Variants in AP1M1 observed in about 807,000 individuals in gnomAD.
AP1M1 encodes adaptor related protein complex 1 subunit mu 1, also known as AP-1 complex subunit mu-1.
A neutral mutation model predicts 57.1 loss-of-function variants in AP1M1; 18 were observed. The observed-to-expected ratio is 0.32, with a 90% confidence interval of 0.22 to 0.47. The LOEUF (loss-of-function observed/expected upper bound fraction) is 0.47, where lower values mean the gene tolerates loss of function less well. Among genes scored for constraint, AP1M1 ranks in the 20% least tolerant of loss-of-function variants. AP1M1 has a pLI of 1.00. For synonymous variants in AP1M1, 241 were observed against 237.9 expected (o/e 1.01, Z -0.12); for missense variants, 362 against 593.5 (o/e 0.61, Z 4.05).
chr19:16,217,482 G>A (rs1266139477), intron 5 of AP1M1, among the ~76,000 whole-genome samples: 1 of 152,146 alleles, frequency 6.6e-6, no homozygotes, highest in Admixed American at 6.5e-5. Context: ...GGCTGCAGTG[G>A]GAGCGGGGCT....
In AP1M1 at chr19:16,203,312, C is replaced by A; in HGVS notation, c.43-147C>A. On this transcript the variant is annotated intron_variant, in intron 1 of 11. Coordinates refer to ENST00000291439, the MANE Select transcript of AP1M1 (RefSeq NM_032493.4). This position sits in a 1 kb window ranked among gnomAD's most constrained non-coding sequence, Gnocchi z 4.6. The stretch of plus-strand genomic sequence containing the variant: ...ATTCCCTGGGGGATGGAGATCAGAA[C>A]GGCCTCAAGTCCTGCTCTTTTGCGG... 2.7e-6 allele frequency: 2 copies of A among 742,284 alleles called. No individual in the cohort carries two copies. Among genetic ancestry groups the A allele is most frequent in the Non-Finnish European group, 4.5e-6 (2 of 447,550 alleles). 46.0% of individuals were successfully genotyped at this position (742,284 alleles called of 1,614,324 possible). A position where few individuals can be genotyped will look rare whatever the true frequency, so the allele number is the denominator to read the frequency against.
chr19:16,226,323 G>A (rs566944290), intron 5 of AP1M1, 98 bp from the exon 6 acceptor site: 15 of 1,439,880 alleles, frequency 1.0e-5, no homozygotes, highest in Middle Eastern at 2.4e-4. Context: ...GGTGAGAAGG[G>A]CGTTGAGAGT....
chr19:16,229,474 GCA>G (rs1372426440), intron 9 of AP1M1, among the ~76,000 whole-genome samples: 1 of 152,220 alleles, frequency 6.6e-6, no homozygotes, highest in Non-Finnish European at 1.5e-5. Flanking sequence ...TGTACACAGT[GCA>G]CAGAGAGGCT....
In AP1M1 at chr19:16,207,933, T is replaced by C; in HGVS notation, c.268-86T>C. 6.7e-7 allele frequency: 1 copy of C among 1,497,282 alleles called. No homozygotes were observed. Among genetic ancestry groups the C allele is most frequent in the Non-Finnish European group, 9.0e-7 (1 of 1,106,120 alleles). The allele number at this position is 1,497,282 out of a possible 1,614,324, so 92.7% of individuals were successfully genotyped here. ...CTGTTGGTAGGACTTAGCGGGCAAA[T>C]GAATGTGTGCAAGCGTTCATTCATT... On this transcript the variant is annotated intron_variant, in intron 3 of 11. Transcript: ENST00000291439. This position sits in a 1 kb window ranked among gnomAD's most constrained non-coding sequence, Gnocchi z 4.2.
intron 5 of AP1M1, among the ~76,000 whole-genome samples, chr19:16,222,411 T>A (rs4808474): frequency 3.3e-5 from 5 of 151,138 alleles, no homozygotes; most frequent in East Asian, 2.0e-4. Flanking sequence ...TGAGGGTCTC[T>A]CTGTGTTGCC....
rs976249085 is a variant in AP1M1, at chr19:16,239,490, T to C, written c.*5055T>C. The C allele has an allele frequency of 1.1e-4, 16 of 151,496 alleles. No homozygotes were observed. Among genetic ancestry groups the C allele is most frequent in the Non-Finnish European group, 5.9e-5 (4 of 67,912 alleles). The allele number at this position is 151,496 out of a possible 1,614,324, so 9.4% of individuals were successfully genotyped here. A position where few individuals can be genotyped will look rare whatever the true frequency, so the allele number is the denominator to read the frequency against. On this transcript the variant is annotated 3_prime_UTR_variant, in exon 12 of 12. Coordinates refer to ENST00000291439, the MANE Select transcript of AP1M1 (RefSeq NM_032493.4). ...AGATTAAAAATGTAGTCATAGGAAT[T>C]AACAACTTGGGGCCGGGCATGGTGG... is the stretch of plus-strand genomic sequence containing the variant.
chr19:16,226,353 A>G, intron 5 of AP1M1, 68 bp from the exon 6 acceptor site: 1 of 1,492,164 alleles, frequency 6.7e-7, no homozygotes, highest in Non-Finnish European at 9.0e-7. Flanking sequence ...AGAGGGTCAC[A>G]TGATGTGGTA....
chr19:16,208,902 A>G, intron 4 of AP1M1, 128 bp from the exon 5 acceptor site: 1 of 1,122,922 alleles, frequency 8.9e-7, no homozygotes, highest in Non-Finnish European at 1.2e-6. Flanking sequence ...CTGAAATCCA[A>G]GGGCTATTTT....
chr19:16,207,721 C>T lies in AP1M1; in HGVS notation c.268-298C>T, dbSNP rs1428053872. On this transcript the variant is annotated intron_variant, in intron 3 of 11. Transcript: ENST00000291439. The surrounding 1 kb of genome is among the most constrained non-coding windows in gnomAD (Gnocchi z 4.2). ...CTCAGAAAGGGATGACAGTTACAGT[C>T]GCTCAGGAGGGGCTGCCTGTCTGCG... Among the ~76,000 whole-genome samples the T allele has an allele frequency of 6.6e-6, 1 of 152,116 alleles. No homozygotes were observed. The highest frequency in any genetic ancestry group is 2.4e-5 in the African/African-American group (1 of 41,394).
chr19:16,234,561 G>C lies in AP1M1; in HGVS notation c.*126G>C, dbSNP rs2091616030. On this transcript the variant is annotated 3_prime_UTR_variant, in exon 12 of 12. Coordinates refer to ENST00000291439, the MANE Select transcript of AP1M1 (RefSeq NM_032493.4). ...TGGCCACCCTCCCAGCCTCTGCCCA[G>C]GGACCCCTGCCTTCCCCAGGCCATC... is the stretch of plus-strand genomic sequence containing the variant. The C allele has an allele frequency of 2.4e-6, 3 of 1,270,006 alleles. No individual in the cohort carries two copies. Among genetic ancestry groups the C allele is most frequent in the Non-Finnish European group, 3.3e-6 (3 of 900,012 alleles). The allele number at this position is 1,270,006 out of a possible 1,614,324, so 78.7% of individuals were successfully genotyped here.
chr19:16,228,081 ATGGGC>A lies in AP1M1; in HGVS notation c.817-55_817-51del. ...CCTGGGCCTTGGTTTCCCCTCTGAA[ATGGGC>A]CTTTGTCAAACAAGGCCAGGTGTGA... On this transcript the variant is annotated intron_variant, in intron 7 of 11. Transcript: ENST00000291439. The surrounding 1 kb of genome is among the most constrained non-coding windows in gnomAD (Gnocchi z 5.0). The A allele has an allele frequency of 6.4e-7, 1 of 1,563,988 alleles. No homozygotes were observed. Among genetic ancestry groups the A allele is most frequent in the Non-Finnish European group, 8.8e-7 (1 of 1,138,264 alleles).
chr19:16,198,210 G>A (rs2091432442), intron 1 of AP1M1, 142 bp downstream of exon 1: 2 of 794,010 alleles, frequency 2.5e-6, no homozygotes, highest in Non-Finnish European at 3.8e-6. Context: ...TCACCTGAGA[G>A]CCCCATCCTG....
intron 9 of AP1M1, 61 bp from the exon 10 acceptor site, chr19:16,233,432 G>A: frequency 6.7e-7 from 1 of 1,498,226 alleles, no homozygotes; most frequent in Non-Finnish European, 8.9e-7. Flanking sequence ...ACTAGGGCCA[G>A]AGCTGTTGGC....
At position 16,227,030 on chromosome 19, in the gene AP1M1, G is replaced by A. The variant is rs978829447; in HGVS notation, c.673+483G>A. 1.3e-5 allele frequency among the ~76,000 whole-genome samples: 2 copies of A among 152,162 alleles called. No individual in the cohort carries two copies. The highest frequency in any genetic ancestry group is 4.8e-5 in the African/African-American group (2 of 41,454). On this transcript the variant is annotated intron_variant, in intron 6 of 11. Coordinates refer to ENST00000291439, the MANE Select transcript of AP1M1 (RefSeq NM_032493.4). This position sits in a 1 kb window ranked among gnomAD's most constrained non-coding sequence, Gnocchi z 6.2. The stretch of plus-strand genomic sequence containing the variant: ...TGTGCCTCCCACTCAGCTGTCACAG[G>A]CCACTGGAAGAGGGTGCAGTGGCTG...
At position 16,209,087 on chromosome 19, in the gene AP1M1, C is replaced by T. The variant is rs199860370; in HGVS notation, c.456C>T (p.Thr152=). ...CAGGGGCCCCGCGGCCACCAGCCAC[C>T]GTCACCAACGCGGTGTCCTGGCGGT... ...LETGAPRPPA[T]VTNAVSWRSE... Residue 152 remains threonine (T), a synonymous_variant, in exon 5 of 12, where the codon ACC becomes ACT. Transcript: ENST00000291439. The T allele has an allele frequency of 2.8e-5, 46 of 1,614,188 alleles. No homozygotes were observed. The highest frequency in any genetic ancestry group is 1.2e-4 in the Admixed American group (7 of 60,016).
At position 16,239,234 on chromosome 19, in the gene AP1M1, GTTCTCTTTTTTTTTTTTTT is replaced by G. The variant is rs2091636300; in HGVS notation, c.*4802_*4820del. 1 of 101,638 alleles carries G rather than the reference GTTCTCTTTTTTTTTTTTTT, an allele frequency of 9.8e-6. No individual in the cohort carries two copies. Among genetic ancestry groups the G allele is most frequent in the African/African-American group, 4.3e-5 (1 of 23,162 alleles). The allele number at this position is 101,638 out of a possible 1,614,324, so 6.3% of individuals were successfully genotyped here. A position where few individuals can be genotyped will look rare whatever the true frequency, so the allele number is the denominator to read the frequency against. ...AGGCATGAGCCACCGCGCCCGGCCAGTTCTCTTTTTTTTTTTTTTTTTTTTTTTTTTTTTTTTTTTTTTT... is the reference window on the plus strand; with the variant it reads ...AGGCATGAGCCACCGCGCCCGGCCAGTTTTTTTTTTTTTTTTTTTTTTTTT... On this transcript the variant is annotated 3_prime_UTR_variant, in exon 12 of 12. Coordinates refer to ENST00000291439, the MANE Select transcript of AP1M1 (RefSeq NM_032493.4).
rs1471401158 is a variant in AP1M1, at chr19:16,235,766, A to G, written c.*1331A>G. ...GGGGCCAGGGTCCCGGAAAACATTA[A>G]CAAGGCCCCCAGATGCTTCTTCTGT... On this transcript the variant is annotated 3_prime_UTR_variant, in exon 12 of 12. Transcript: ENST00000291439. The G allele has an allele frequency of 6.6e-6, 1 of 152,296 alleles. No individual in the cohort carries two copies. Among genetic ancestry groups the G allele is most frequent in the African/African-American group, 2.4e-5 (1 of 41,458 alleles). 9.4% of individuals were successfully genotyped at this position (152,296 alleles called of 1,614,324 possible).
At chr19:16,222,234 T>C (rs2091549048) in intron 5 of AP1M1, among the ~76,000 whole-genome samples, 1 of 149,108 alleles carries the variant, frequency 6.7e-6, no homozygotes, top group Admixed American at 6.7e-5. Flanking sequence ...TTGAGATAGG[T>C]TCCCACTCTG....
At chr19:16,229,052 G>A in intron 9 of AP1M1, 124 bp downstream of exon 9, 1 of 1,183,742 alleles carries the variant, frequency 8.4e-7, no homozygotes, top group Non-Finnish European at 1.2e-6. Flanking sequence ...TCCACACCTG[G>A]GGCTTCTGAA....
Sources: gnomAD v4.1 joint callset for allele counts (sites outside exome capture counted in the v4.1 genomes callset) on GRCh38, gnomAD v4.1.1 for gene constraint, Gnocchi (gnomAD v3.1) non-coding constraint, MANE v1.5 for transcripts, NCBI Gene and HGNC (gene_info 2026-07-23, HGNC 2026-07-21) for gene names.